Variants in POSTN observed in about 807,000 individuals in gnomAD.
The protein encoded by POSTN is osteoblast specific factor 2 (fasciclin I-like).
A neutral mutation model predicts 104.5 loss-of-function variants in POSTN; 71 were observed. That is an observed-to-expected ratio of 0.68 (90% CI 0.56 to 0.83). The LOEUF (loss-of-function observed/expected upper bound fraction) is 0.83. Ranked by LOEUF, POSTN falls within the 40% of genes least tolerant of loss-of-function variation. POSTN has a pLI of 0.00. For synonymous variants in POSTN, 355 were observed against 340.7 expected (o/e 1.04, Z -0.46); for missense variants, 949 against 1,006.8 (o/e 0.94, Z 0.78).
intron 9 of POSTN, 90 bp downstream of exon 9, chr13:37,583,879 A>G: frequency 6.8e-7 from 1 of 1,478,896 alleles, no homozygotes; most frequent in Non-Finnish European, 9.1e-7. Flanking sequence ...ACACCTCCTA[A>G]AACATTTATT....
At chr13:37,592,953 GATAAA>G (rs1212704493) in intron 2 of POSTN, among the ~76,000 whole-genome samples, 5 of 151,988 alleles carry the variant, frequency 3.3e-5, no homozygotes, top group Admixed American at 6.6e-5. Context: ...CTCATTGCTA[GATAAA>G]ATAATGCCAT....
chr13:37,569,281 T>G lies in POSTN; in HGVS notation c.2431+19A>C, dbSNP rs1302973110. 1 of 1,579,296 alleles carries G rather than the reference T, an allele frequency of 6.3e-7. No individual in the cohort carries two copies. Among genetic ancestry groups the G allele is most frequent in the South Asian group, 1.1e-5 (1 of 90,192 alleles). On this transcript the variant is annotated intron_variant, in intron 21 of 22. Coordinates refer to ENST00000379747, the MANE Select transcript of POSTN (RefSeq NM_006475.3). The stretch of plus-strand genomic sequence containing the variant: ...CACTAGAACCTGTTAAGGGGGTTAG[T>G]TGTTGTCCTTTTACTAACCTCCCTG...
intron 10 of POSTN, 142 bp downstream of exon 10, chr13:37,582,224 A>C: frequency 1.1e-6 from 1 of 899,344 alleles, no homozygotes. Flanking sequence ...CAGTCTTTTC[A>C]CCCAAGCTAC....
chr13:37,592,871 C>T (rs1475821407), intron 2 of POSTN, among the ~76,000 whole-genome samples: 1 of 151,962 alleles, frequency 6.6e-6, no homozygotes, highest in Non-Finnish European at 1.5e-5. Flanking sequence ...CTAAAAATGG[C>T]TAGAAATCTG....
In POSTN at chr13:37,569,962, C is replaced by T. The variant is rs910921480; in HGVS notation, c.2270-141G>A. 1.3e-5 allele frequency: 8 copies of T among 616,460 alleles called. No homozygotes were observed. In the Admixed American group the frequency reaches 2.0e-4, roughly 15 times the overall value. The allele number at this position is 616,460 out of a possible 1,614,324, so 38.2% of individuals were successfully genotyped here. A position where few individuals can be genotyped will look rare whatever the true frequency, so the allele number is the denominator to read the frequency against. On this transcript the variant is annotated intron_variant, in intron 19 of 22. Transcript: ENST00000379747. ...CAACTCTGATACTTCAGTGTGAAAG[C>T]AGCCTTAGGTATTATATAAATGGAT...
chr13:37,592,282 T>G (rs1292208790), intron 2 of POSTN, 118 bp from the exon 3 acceptor site: 33 of 117,678 alleles, frequency 2.8e-4, no homozygotes, highest in Middle Eastern at 1.9e-3. Context: ...AAAAATCAGG[T>G]TTTTTTTCCC....
intron 1 of POSTN, among the ~76,000 whole-genome samples, chr13:37,597,963 T>C (rs568519991): frequency 2.0e-5 from 3 of 152,190 alleles, no homozygotes; most frequent in East Asian, 1.9e-4. Context: ...CTGTGAGGCA[T>C]AGGAAGAAGT....
At chr13:37,577,841 T>A (rs926546614) in intron 15 of POSTN, 43 bp from the exon 16 acceptor site, 1 of 1,610,548 alleles carries the variant, frequency 6.2e-7, no homozygotes, top group East Asian at 2.2e-5. Flanking sequence ...AAGGTGATAG[T>A]TGTGTTAACA....
chr13:37,570,787 A>T, intron 18 of POSTN, 118 bp from the exon 19 acceptor site: 1 of 679,704 alleles, frequency 1.5e-6, no homozygotes, highest in Non-Finnish European at 2.5e-6. Context: ...TTAAGATTCA[A>T]TCATAAACAT....
At chr13:37,578,732 G>A in intron 15 of POSTN, 112 bp downstream of exon 15, 1 of 887,394 alleles carries the variant, frequency 1.1e-6, no homozygotes, top group East Asian at 3.1e-5. Flanking sequence ...ATGGGAGGCG[G>A]AGCTTGCAGT....
intron 1 of POSTN, among the ~76,000 whole-genome samples, chr13:37,598,095 A>G (rs1951135894): frequency 6.6e-6 from 1 of 152,212 alleles, no homozygotes; most frequent in East Asian, 1.9e-4. Flanking sequence ...TGCAAATTTT[A>G]CAGAATTCAG....
In POSTN at chr13:37,590,463, G is replaced by C; in HGVS notation, c.350C>G (p.Ser117Cys). 1 of 1,613,518 alleles carries C rather than the reference G, an allele frequency of 6.2e-7. No homozygotes were observed. The highest frequency in any genetic ancestry group is 8.5e-7 in the Non-Finnish European group (1 of 1,179,644). The change falls in exon 4 of 23, where the codon TCT becomes TGT. Residue 117 changes from serine (S) to cysteine (C), a missense_variant. Ser to Cys is a moderately radical substitution (Grantham distance 112). Transcript: ENST00000379747. ...IVGATTTQRY[S>C]DASKLREEIE... ...CTCCTCCCTCAGTTTTGAGGCGTCA[G>C]AATAGCGCTGCGTTGTGGTGGCTCC...
Position 37,569,940 on chromosome 13 carries a change from C to T in POSTN, c.2270-119G>A, listed in dbSNP as rs982316451. On this transcript the variant is annotated intron_variant, in intron 19 of 22. Transcript: ENST00000379747. ...TGTAGTCTGTGTTGCCATTGTTCAA[C>T]TCTGATACTTCAGTGTGAAAGCAGC... 1.2e-5 allele frequency: 8 copies of T among 668,576 alleles called. No homozygotes were observed. The Middle Eastern group carries it at 7.7e-4, about 64-fold the overall frequency. 41.4% of individuals were successfully genotyped at this position (668,576 alleles called of 1,614,324 possible). A position where few individuals can be genotyped will look rare whatever the true frequency, so the allele number is the denominator to read the frequency against.
intron 4 of POSTN, among the ~76,000 whole-genome samples, chr13:37,588,656 G>A: frequency 6.6e-6 from 1 of 152,278 alleles, no homozygotes; most frequent in East Asian, 1.9e-4. Flanking sequence ...GAATAGGAAT[G>A]GTGTGGTGGT....
chr13:37,574,328 C>T (rs1483659776), intron 17 of POSTN, among the ~76,000 whole-genome samples: 1 of 151,582 alleles, frequency 6.6e-6, no homozygotes, highest in Non-Finnish European at 1.5e-5. Flanking sequence ...AATGCAATGC[C>T]AATTAGATTC....
chr13:37,586,732 GAGA>G (rs765834338), intron 6 of POSTN, 47 bp downstream of exon 6: 3 of 1,517,392 alleles, frequency 2.0e-6, no homozygotes, highest in Admixed American at 2.1e-5. Context: ...ATTTTGACAG[GAGA>G]AGAAGAGGGA....
At chr13:37,589,398 G>A (rs1016230874) in intron 4 of POSTN, among the ~76,000 whole-genome samples, 19 of 152,024 alleles carry the variant, frequency 1.2e-4, no homozygotes, top group Admixed American at 9.2e-4. Flanking sequence ...TGCACAACGT[G>A]AAGGTTTGTT....
intron 17 of POSTN, among the ~76,000 whole-genome samples, chr13:37,572,014 C>G (rs542823895): frequency 6.6e-6 from 1 of 151,678 alleles, no homozygotes; most frequent in Admixed American, 6.6e-5. Context: ...AATTTGAGTA[C>G]TTACCTTCTG....
intron 10 of POSTN, among the ~76,000 whole-genome samples, chr13:37,581,278 A>G (rs1950581459): frequency 6.6e-6 from 1 of 152,336 alleles, no homozygotes; most frequent in Non-Finnish European, 1.5e-5. Context: ...AGCTGCTGAC[A>G]TGTGCCAGAT....
Sources: allele counts gnomAD v4.1 joint callset (sites outside exome capture counted in the v4.1 genomes callset), GRCh38; gene constraint gnomAD v4.1.1; transcripts MANE v1.5; gene names NCBI Gene and HGNC (gene_info 2026-07-23, HGNC 2026-07-21).